DOCK11: variants seen among roughly 807,000 people sequenced by gnomAD.
DOCK11 encodes dedicator of cytokinesis 11, also known as dedicator of cytokinesis protein 11.
Under a neutral mutation model 169.1 loss-of-function variants are expected in DOCK11, and 70 were observed. The ratio of observed to expected loss-of-function variants is 0.41; its 90% confidence interval spans 0.34 to 0.51. DOCK11 has a LOEUF of 0.51. Ranked by LOEUF, DOCK11 falls within the 20% of genes least tolerant of loss-of-function variation. DOCK11 has a pLI of 0.10. For missense variants in DOCK11, 1,166 were observed against 1,538.8 expected (o/e 0.76, Z 4.05); for synonymous variants, 529 against 541.3 (o/e 0.98, Z 0.32).
At chrX:118,621,833 C>T (rs1368332060) in intron 31 of DOCK11, among the ~76,000 whole-genome samples, 1 of 111,268 alleles carries the variant, frequency 9.0e-6, no homozygotes. Flanking sequence ...TGGGATTTCA[C>T]CATGATGGCC....
At chrX:118,498,814 ACAT>A (rs2057554596) in intron 1 of DOCK11, among the ~76,000 whole-genome samples, 1 of 110,549 alleles carries the variant, frequency 9.0e-6, no homozygotes, top group African/African-American at 3.3e-5. Flanking sequence ...CCTGTTGCTA[ACAT>A]CATTCAGTTT....
In DOCK11 at chrX:118,542,997, G is replaced by C; in HGVS notation, c.291G>C (p.Gln97His). The change falls in exon 3 of 53, where the codon CAG becomes CAC. Residue 97 changes from glutamine (Q) to histidine (H), a missense_variant. Transcript: ENST00000276202. ...TVPEDAEKRAQSLFVKECIKT... is the reference protein window; with the variant it reads ...TVPEDAEKRAHSLFVKECIKT... ...CAGAAGATGCTGAAAAGAGGGCCCA[G>C]AGTTTATTTGTTAAAGAGGTAAGAG... The C allele has an allele frequency of 8.3e-7, 1 of 1,209,097 alleles. No homozygotes were observed. Among genetic ancestry groups the C allele is most frequent in the Non-Finnish European group, 1.1e-6 (1 of 893,957 alleles).
chrX:118,685,795 C>T lies in DOCK11; in HGVS notation c.6210C>T (p.Tyr2070=), dbSNP rs766552795. The T allele has an allele frequency of 1.2e-5, 15 of 1,210,719 alleles. No individual in the cohort carries two copies. The highest frequency in any genetic ancestry group is 4.6e-4 in the Middle Eastern group (2 of 4,348). The part of the protein sequence containing the change: ...SSDRGYGSPR[Y]AEV ...ACCGAGGTTATGGTTCCCCAAGATA[C>T]GCTGAAGTGTGAGGAAATGCAGATG... Residue 2070 remains tyrosine, a synonymous_variant, in exon 53 of 53, where the codon TAC becomes TAT. Coordinates refer to ENST00000276202, the MANE Select transcript of DOCK11 (RefSeq NM_144658.4).
chrX:118,630,345 C>A, intron 34 of DOCK11, 34 bp from the exon 35 acceptor site: 1 of 932,626 alleles, frequency 1.1e-6, no homozygotes, highest in Non-Finnish European at 1.5e-6. Flanking sequence ...GAAAATTGTA[C>A]TGATACTATT....
At chrX:118,614,542 G>T (rs2014761289) in intron 28 of DOCK11, 150 bp from the exon 29 acceptor site, 1 of 444,993 alleles carries the variant, frequency 2.2e-6, no homozygotes, top group African/African-American at 2.5e-5. Context: ...TTTCTTTAAG[G>T]TCACCTGAAG....
At chrX:118,503,385 TG>T (rs2057589820) in intron 1 of DOCK11, among the ~76,000 whole-genome samples, 1 of 111,149 alleles carries the variant, frequency 9.0e-6, no homozygotes, top group African/African-American at 3.3e-5. Flanking sequence ...ACTGAGGCAA[TG>T]AGAATGGAGA....
At chrX:118,527,777 C>T (rs1983854309) in intron 1 of DOCK11, among the ~76,000 whole-genome samples, 1 of 111,862 alleles carries the variant, frequency 8.9e-6, no homozygotes, top group African/African-American at 3.3e-5. Flanking sequence ...AGATTATAAC[C>T]TTTCTTGGGC....
chrX:118,616,449 T>C (rs2014814464), intron 30 of DOCK11, among the ~76,000 whole-genome samples: 1 of 112,031 alleles, frequency 8.9e-6, no homozygotes. Context: ...AAATCAACTT[T>C]AAAACATTTT....
At chrX:118,511,297 C>T (rs927816097) in intron 1 of DOCK11, among the ~76,000 whole-genome samples, 1 of 111,558 alleles carries the variant, frequency 9.0e-6, no homozygotes, top group Non-Finnish European at 1.9e-5. Flanking sequence ...TTCTCCTGTT[C>T]TATTTTTTCT....
chrX:118,578,455 A>G (rs1333386278), intron 12 of DOCK11, 70 bp from the exon 13 acceptor site: 32 of 1,111,128 alleles, frequency 2.9e-5, no homozygotes, highest in Non-Finnish European at 3.7e-5. Context: ...TTTACTAAAA[A>G]TCGTTAACCA....
chrX:118,496,858 G>T (rs1165467613), intron 1 of DOCK11, among the ~76,000 whole-genome samples: 1 of 111,420 alleles, frequency 9.0e-6, no homozygotes, highest in Admixed American at 9.4e-5. Context: ...AGGGATGGAG[G>T]ACCTGGGGTC....
chrX:118,567,147 T>C (rs1414066347), intron 9 of DOCK11, among the ~76,000 whole-genome samples: 1 of 111,947 alleles, frequency 8.9e-6, no homozygotes, highest in Non-Finnish European at 1.9e-5. Flanking sequence ...GTTTGAAGTT[T>C]GAAATGAACC....
rs774164419 is a variant in DOCK11, at chrX:118,573,949, C to T, written c.1320C>T (p.Ser440=). ...GSSTQLASDG[S]PKGSSPESYI... ...CAACCCAACTGGCCAGTGACGGTAGCCCAAAGGGCTCTTCACCCGAATCTT... is the reference window on the plus strand; with the variant it reads ...CAACCCAACTGGCCAGTGACGGTAGTCCAAAGGGCTCTTCACCCGAATCTT... Residue 440 remains serine (S), a synonymous_variant, in exon 12 of 53, where the codon AGC becomes AGT. Transcript: ENST00000276202. 11 of 1,211,962 alleles carry T rather than the reference C, an allele frequency of 9.1e-6. No individual in the cohort carries two copies. Among genetic ancestry groups the T allele is most frequent in the Non-Finnish European group, 1.2e-5 (11 of 895,558 alleles).
At position 118,683,073 on chromosome X, in the gene DOCK11, C is replaced by T. The variant is rs1243796382; in HGVS notation, c.5964-6C>T. ...CAAGACCTTTATCTTTGATATTCAT[C>T]CACAGGAAATTTATACAAGCATGCA... On this transcript the variant is annotated splice_region_variant and splice_polypyrimidine_tract_variant and intron_variant, in intron 51 of 52. Coordinates refer to ENST00000276202, the MANE Select transcript of DOCK11 (RefSeq NM_144658.4). 8.4e-7 allele frequency: 1 copy of T among 1,195,596 alleles called. No individual in the cohort carries two copies. Among genetic ancestry groups the T allele is most frequent in the East Asian group, 3.0e-5 (1 of 33,314 alleles).
At chrX:118,511,578 C>G (rs1279966460) in intron 1 of DOCK11, among the ~76,000 whole-genome samples, 1 of 111,764 alleles carries the variant, frequency 8.9e-6, no homozygotes, top group African/African-American at 3.3e-5. Context: ...CTACTTTCTG[C>G]TTTGGAGTTT....
chrX:118,636,502 T>A, intron 36 of DOCK11, 90 bp downstream of exon 36: 2 of 390,474 alleles, frequency 5.1e-6, no homozygotes, highest in Non-Finnish European at 8.5e-6. Flanking sequence ...ATAGCTTATT[T>A]GCTAATAATG....
chrX:118,539,784 C>T (rs1168012715), intron 1 of DOCK11, among the ~76,000 whole-genome samples: 3 of 110,324 alleles, frequency 2.7e-5, no homozygotes, highest in African/African-American at 9.9e-5. Flanking sequence ...GGCATGGTGG[C>T]TCATGCCTGT....
chrX:118,532,748 C>T (rs369417728), intron 1 of DOCK11, among the ~76,000 whole-genome samples: 2 of 98,179 alleles, frequency 2.0e-5, no homozygotes, highest in African/African-American at 3.7e-5. Flanking sequence ...GCCACTGCAC[C>T]CCAGCCTGGG....
chrX:118,526,682 T>C (rs1285003827), intron 1 of DOCK11, among the ~76,000 whole-genome samples: 1 of 112,369 alleles, frequency 8.9e-6, no homozygotes, highest in African/African-American at 3.2e-5. Flanking sequence ...AGGAAAAGGC[T>C]CATTGATTTA....
Sources: allele counts gnomAD v4.1 joint callset (sites outside exome capture counted in the v4.1 genomes callset), GRCh38; gene constraint gnomAD v4.1.1; transcripts MANE v1.5; gene names NCBI Gene and HGNC (gene_info 2026-07-23, HGNC 2026-07-21).